COG5: variants seen among roughly 807,000 people sequenced by gnomAD.
COG5 encodes conserved oligomeric Golgi complex subunit 5.
In COG5, 86 loss-of-function variants were observed where a neutral mutation model predicts 110.4. That is an observed-to-expected ratio of 0.78 (90% CI 0.65 to 0.93). The LOEUF (loss-of-function observed/expected upper bound fraction) is 0.93, where lower values mean the gene tolerates loss of function less well. COG5 is among the 40% of genes least tolerant of loss of function. The pLI, the probability that COG5 is intolerant of heterozygous loss-of-function variation, is 0.00. For synonymous variants in COG5, 360 were observed against 334.6 expected (o/e 1.08, Z -0.83); for missense variants, 1,077 against 987.0 (o/e 1.09, Z -1.22).
Position 107,475,362 on chromosome 7 carries a change from G to A in COG5, c.538+51875C>T, listed in dbSNP as rs1408101264. The A allele has an allele frequency of 3.6e-6, 5 of 1,396,602 alleles. No homozygotes were observed. The South Asian group carries it at 7.2e-5, about 20-fold the overall frequency. 86.5% of individuals were successfully genotyped at this position (1,396,602 alleles called of 1,614,324 possible). On this transcript the variant is annotated intron_variant, in intron 6 of 21. Coordinates refer to ENST00000297135, the MANE Select transcript of COG5 (RefSeq NM_006348.5). The stretch of plus-strand genomic sequence containing the variant: ...TAGTGCCTCAGGTTGTCACAGACTA[G>A]AGAAAAGTCTCAGTTTCACCAAATC...
chr7:107,223,416 G>T (rs543468024), intron 19 of COG5, among the ~76,000 whole-genome samples: 1 of 152,314 alleles, frequency 6.6e-6, no homozygotes, highest in African/African-American at 2.4e-5. Context: ...AAGTAGAGAG[G>T]TTAAAAATGT....
At position 107,548,109 on chromosome 7, in the gene COG5, A is replaced by G; in HGVS notation, c.417+2T>C. 6.2e-7 allele frequency: 1 copy of G among 1,611,522 alleles called. No homozygotes were observed. Among genetic ancestry groups the G allele is most frequent in the Non-Finnish European group, 8.5e-7 (1 of 1,177,826 alleles). On this transcript the variant is annotated splice_donor_variant, in intron 5 of 21. Transcript: ENST00000297135. LOFTEE classifies it high-confidence loss of function. ...TATAAAGAAATAAAAGTAAGAAACTACCTGAAGTCTTGCTAGTTGTGCAGT... is the reference window on the plus strand; with the variant it reads ...TATAAAGAAATAAAAGTAAGAAACTGCCTGAAGTCTTGCTAGTTGTGCAGT...
chr7:107,465,711 AT>A (rs1796255111), intron 6 of COG5, among the ~76,000 whole-genome samples: 1 of 152,184 alleles, frequency 6.6e-6, no homozygotes, highest in African/African-American at 2.4e-5. Flanking sequence ...AAATGCATTC[AT>A]TTTCCCAAAT....
intron 6 of COG5, among the ~76,000 whole-genome samples, chr7:107,438,055 C>T (rs150867598): frequency 3.9e-5 from 6 of 152,214 alleles, no homozygotes; most frequent in Admixed American, 6.5e-5. Flanking sequence ...CTAGATTCAA[C>T]GCCTGAAGAT....
chr7:107,246,454 C>T (rs548618097), intron 17 of COG5, among the ~76,000 whole-genome samples: 34 of 152,180 alleles, frequency 2.2e-4, no homozygotes, highest in African/African-American at 7.7e-4. Context: ...AAAATATTTG[C>T]AAACTATGCA....
intron 19 of COG5, among the ~76,000 whole-genome samples, chr7:107,229,994 G>A (rs1800665826): frequency 6.6e-6 from 1 of 151,836 alleles, no homozygotes; most frequent in South Asian, 2.1e-4. Context: ...GGAACTACAG[G>A]TGTGCACCAC....
At chr7:107,521,363 C>G (rs1051642721) in intron 6 of COG5, among the ~76,000 whole-genome samples, 10 of 152,160 alleles carry the variant, frequency 6.6e-5, no homozygotes, top group Non-Finnish European at 1.5e-4. Flanking sequence ...AGGCAACCTA[C>G]AGGATGGAAG....
chr7:107,249,756 C>T (rs1194824536), intron 16 of COG5, among the ~76,000 whole-genome samples: 1 of 149,726 alleles, frequency 6.7e-6, no homozygotes, highest in East Asian at 2.0e-4. Flanking sequence ...ATAGTTTGCC[C>T]TCCATACAGG....
At chr7:107,330,828 T>A (rs1205382706) in intron 10 of COG5, among the ~76,000 whole-genome samples, 1 of 150,660 alleles carries the variant, frequency 6.6e-6, no homozygotes, top group Admixed American at 6.6e-5. Flanking sequence ...GATCCCTTTT[T>A]TTTTTTTTTT....
chr7:107,500,471 C>A lies in COG5; in HGVS notation c.538+26766G>T, dbSNP rs76550216. Among the ~76,000 whole-genome samples the A allele has an allele frequency of 5.3e-5, 8 of 152,174 alleles. No homozygotes were observed. In the South Asian group the frequency reaches 1.4e-3, roughly 28 times the overall value. ...GGATCATGCCTTCTTCATGTGCCCA[C>A]GAAAATAAATTCACCATAAGATATA... On this transcript the variant is annotated intron_variant, in intron 6 of 21. Transcript: ENST00000297135.
At chr7:107,530,991 C>A (rs1387565676) in intron 5 of COG5, among the ~76,000 whole-genome samples, 2 of 152,136 alleles carry the variant, frequency 1.3e-5, no homozygotes, top group African/African-American at 2.4e-5. Flanking sequence ...AATGCCATTA[C>A]CCTTCATGCC....
intron 7 of COG5, among the ~76,000 whole-genome samples, chr7:107,379,307 C>T (rs1463905427): frequency 6.6e-6 from 1 of 152,196 alleles, no homozygotes; most frequent in Non-Finnish European, 1.5e-5. Flanking sequence ...GTACCAGCTA[C>T]TGCAAAAACA....
At chr7:107,537,451 A>T (rs1801666802) in intron 5 of COG5, among the ~76,000 whole-genome samples, 1 of 152,190 alleles carries the variant, frequency 6.6e-6, no homozygotes, top group Non-Finnish European at 1.5e-5. Context: ...GACAAAGATG[A>T]AGCTGGAAAC....
chr7:107,341,222 T>C (rs542333013), intron 10 of COG5, among the ~76,000 whole-genome samples: 31 of 152,250 alleles, frequency 2.0e-4, no homozygotes, highest in Admixed American at 1.6e-3. Flanking sequence ...AGCATTTCTA[T>C]ACGACAATAA....
intron 6 of COG5, among the ~76,000 whole-genome samples, chr7:107,431,476 C>T (rs1306658416): frequency 6.6e-6 from 1 of 152,084 alleles, no homozygotes; most frequent in Non-Finnish European, 1.5e-5. Context: ...TTCAACTTTT[C>T]TCTAATTTAA....
At chr7:107,225,911 C>T (rs1800300531) in intron 19 of COG5, among the ~76,000 whole-genome samples, 1 of 152,054 alleles carries the variant, frequency 6.6e-6, no homozygotes, top group African/African-American at 2.4e-5. Context: ...GGCATGGTGG[C>T]AGGGGCCTGT....
chr7:107,550,882 T>A (rs2520269), intron 3 of COG5, among the ~76,000 whole-genome samples: 1 of 146,022 alleles, frequency 6.8e-6, no homozygotes, highest in Non-Finnish European at 1.5e-5. Flanking sequence ...TGTTTTCTAC[T>A]TGTACTTTGT....
chr7:107,261,314 TTC>T (rs146146553), intron 14 of COG5, among the ~76,000 whole-genome samples: 1,738 of 147,382 alleles, frequency 0.012, 23 homozygotes, highest in African/African-American at 0.031. Flanking sequence ...ATCATTTGTA[TTC>T]TCTCTCTCTC....
chr7:107,212,449 A>G (rs1373757744), intron 19 of COG5, among the ~76,000 whole-genome samples: 2 of 152,244 alleles, frequency 1.3e-5, no homozygotes, highest in East Asian at 1.9e-4. Flanking sequence ...TTTAGGTGAT[A>G]ATTCAAGTAT....
Sources: gnomAD v4.1 joint callset for allele counts (sites outside exome capture counted in the v4.1 genomes callset) on GRCh38, gnomAD v4.1.1 for gene constraint, MANE v1.5 for transcripts, NCBI Gene and HGNC (gene_info 2026-07-23, HGNC 2026-07-21) for gene names.